Variants in ZNF676 observed in about 807,000 individuals in gnomAD.
ZNF676 encodes zinc finger protein 676.
Under a neutral mutation model 6.0 loss-of-function variants are expected in ZNF676, and 4 were observed. The observed-to-expected ratio is 0.67, with a 90% CI of 0.33 to 1.53. The LOEUF (loss-of-function observed/expected upper bound fraction) is 1.53, where lower values mean the gene tolerates loss of function less well. Among genes scored for constraint, ZNF676 ranks in the 40% most tolerant of loss-of-function variants. The pLI is 0.06. For synonymous variants in ZNF676, 198 were observed against 223.1 expected (o/e 0.89, Z 1.00); for missense variants, 644 against 679.7 (o/e 0.95, Z 0.58).
intron 1 of ZNF676, among the ~76,000 whole-genome samples, chr19:22,211,388 T>G (rs1244108375): frequency 1.3e-5 from 2 of 152,150 alleles, no homozygotes; most frequent in African/African-American, 4.8e-5. Flanking sequence ...AACCTTAGCT[T>G]GCAGTCATTG....
intron 1 of ZNF676, among the ~76,000 whole-genome samples, chr19:22,195,667 A>G (rs2023959510): frequency 6.6e-6 from 1 of 152,202 alleles, no homozygotes; most frequent in Non-Finnish European, 1.5e-5. Flanking sequence ...CCATGGTTCT[A>G]TGGTTAGGAG....
chr19:22,211,299 G>C (rs2024127573), intron 1 of ZNF676, among the ~76,000 whole-genome samples: 1 of 152,050 alleles, frequency 6.6e-6, no homozygotes, highest in South Asian at 2.1e-4. Context: ...GCGGTAAGCA[G>C]GCTGGGACAT....
At chr19:22,253,353 GGTGT>G in the ZNF676 span, among the ~76,000 whole-genome samples, 2,667 of 104,682 alleles carry the variant, frequency 0.025, 37 homozygotes, top group African/African-American at 0.059. Context: ...TATGATAATG[GGTGT>G]GTGTGTGTGT....
At chr19:22,227,508 A>T in the ZNF676 span, among the ~76,000 whole-genome samples, 4 of 152,194 alleles carry the variant, frequency 2.6e-5, no homozygotes, top group Admixed American at 6.5e-5. Context: ...AATAACTAAG[A>T]TTAGAGCAGA....
chr19:22,202,466 A>C (rs2024035542), intron 1 of ZNF676, among the ~76,000 whole-genome samples: 2 of 152,084 alleles, frequency 1.3e-5, no homozygotes, highest in African/African-American at 4.8e-5. Context: ...TGAGTGGAAA[A>C]GGCCCATCTA....
intron 1 of ZNF676, among the ~76,000 whole-genome samples, chr19:22,193,511 T>C (rs887437918): frequency 2.2e-4 from 34 of 152,038 alleles, no homozygotes; most frequent in African/African-American, 8.0e-4. Flanking sequence ...CTCCTTCTTA[T>C]TTTGTCAGAC....
At chr19:22,251,062 C>T in the ZNF676 span, among the ~76,000 whole-genome samples, 1 of 151,988 alleles carries the variant, frequency 6.6e-6, no homozygotes, top group African/African-American at 2.4e-5. Flanking sequence ...TCTTGGGACC[C>T]CAAGAAGAGA....
chr19:22,192,000 T>A (rs1157352641), intron 2 of ZNF676, among the ~76,000 whole-genome samples: 2 of 152,178 alleles, frequency 1.3e-5, no homozygotes, highest in African/African-American at 4.8e-5. Flanking sequence ...GTCAAAAAAA[T>A]TTTTAAGTCA....
At chr19:22,189,304 T>C (rs1231063903) in intron 2 of ZNF676, among the ~76,000 whole-genome samples, 1 of 152,176 alleles carries the variant, frequency 6.6e-6, no homozygotes, top group African/African-American at 2.4e-5. Flanking sequence ...GCTAGCCATA[T>C]GCAGAAAAAT....
chr19:22,186,503 T>C (rs2023842348), intron 2 of ZNF676, among the ~76,000 whole-genome samples: 3 of 152,152 alleles, frequency 2.0e-5, no homozygotes, highest in South Asian at 4.1e-4. Flanking sequence ...GCTAGCATCA[T>C]AATGACAGGA....
chr19:22,202,469 C>G (rs965037787), intron 1 of ZNF676, among the ~76,000 whole-genome samples: 8 of 152,076 alleles, frequency 5.3e-5, no homozygotes, highest in Non-Finnish European at 8.8e-5. Flanking sequence ...GTGGAAAAGG[C>G]CCATCTATAG....
intron 2 of ZNF676, among the ~76,000 whole-genome samples, chr19:22,184,354 A>G (rs569355011): frequency 1.3e-5 from 2 of 152,300 alleles, no homozygotes; most frequent in South Asian, 4.1e-4. Context: ...CATGGTCTTC[A>G]CAACCCACAG....
chr19:22,247,647 C>T, the ZNF676 span, among the ~76,000 whole-genome samples: 16 of 150,236 alleles, frequency 1.1e-4, no homozygotes, highest in African/African-American at 3.7e-4. Context: ...AGGCCAGGCA[C>T]GGTGGCTCAT....
chr19:22,217,688 T>G (rs1599721470), upstream of ZNF676, among the ~76,000 whole-genome samples: 1 of 120,668 alleles, frequency 8.3e-6, no homozygotes, highest in East Asian at 2.5e-4. Context: ...AATTATGGTC[T>G]TTTCTGTTTG....
At chr19:22,204,224 C>T (rs2024054849) in intron 1 of ZNF676, among the ~76,000 whole-genome samples, 1 of 152,124 alleles carries the variant, frequency 6.6e-6, no homozygotes, top group Admixed American at 6.6e-5. Context: ...GTCAGACTAA[C>T]ATCTACTGTA....
intron 1 of ZNF676, among the ~76,000 whole-genome samples, chr19:22,206,215 A>C (rs2024075282): frequency 6.6e-6 from 1 of 152,140 alleles, no homozygotes; most frequent in Non-Finnish European, 1.5e-5. Flanking sequence ...GTACAAATAG[A>C]AGCTGATATT....
chr19:22,241,903 A>T, the ZNF676 span, among the ~76,000 whole-genome samples: 9 of 151,682 alleles, frequency 5.9e-5, no homozygotes, highest in African/African-American at 9.7e-5. Context: ...TCTCCAGTAC[A>T]CTGTGTCCTT....
At chr19:22,235,177 G>A in the ZNF676 span, among the ~76,000 whole-genome samples, 3 of 151,254 alleles carry the variant, frequency 2.0e-5, no homozygotes, top group Non-Finnish European at 4.4e-5. Flanking sequence ...AAAAACTCTA[G>A]AGGCCTCTGC....
chr19:22,214,274 C>A (rs763064908), intron 1 of ZNF676, among the ~76,000 whole-genome samples: 16 of 152,106 alleles, frequency 1.1e-4, no homozygotes. Flanking sequence ...AATTAAGTGG[C>A]TGGCAGTTAG....
Sources: gnomAD v4.1 joint callset for allele counts (sites outside exome capture counted in the v4.1 genomes callset) on GRCh38, gnomAD v4.1.1 for gene constraint, MANE v1.5 for transcripts, NCBI Gene and HGNC (gene_info 2026-07-23, HGNC 2026-07-21) for gene names.